SMYD3: variants seen among roughly 807,000 people sequenced by gnomAD.
SMYD3 encodes SET and MYND domain containing 3.
A neutral mutation model predicts 57.7 loss-of-function variants in SMYD3; 36 were observed. The ratio of observed to expected loss-of-function variants is 0.62; its 90% confidence interval spans 0.48 to 0.82. SMYD3 has a LOEUF of 0.82. Among genes scored for constraint, SMYD3 ranks in the 40% least tolerant of loss-of-function variants. The pLI, the probability that SMYD3 is intolerant of heterozygous loss-of-function variation, is 0.00. For synonymous variants in SMYD3, 211 were observed against 195.0 expected (o/e 1.08, Z -0.68); for missense variants, 515 against 538.8 (o/e 0.96, Z 0.44).
At chr1:246,023,308 G>A (rs1183096983) in intron 5 of SMYD3, among the ~76,000 whole-genome samples, 1 of 152,152 alleles carries the variant, frequency 6.6e-6, no homozygotes, top group Non-Finnish European at 1.5e-5. Context: ...GCATAACTGT[G>A]GTCCTTCAAA....
intron 10 of SMYD3, among the ~76,000 whole-genome samples, chr1:245,783,607 C>G (rs575748504): frequency 6.6e-6 from 1 of 152,204 alleles, no homozygotes; most frequent in Non-Finnish European, 1.5e-5. Flanking sequence ...TAAGCTGCCC[C>G]TATTTACAGG....
intron 5 of SMYD3, among the ~76,000 whole-genome samples, chr1:246,111,702 TC>T (rs1478563510): frequency 1.3e-5 from 2 of 152,154 alleles, no homozygotes; most frequent in African/African-American, 2.4e-5. Flanking sequence ...CCCCTTTGCG[TC>T]CCACAGCAGT....
intron 5 of SMYD3, among the ~76,000 whole-genome samples, chr1:246,319,109 C>T (rs1428111334): frequency 3.3e-5 from 5 of 152,190 alleles, no homozygotes; most frequent in African/African-American, 4.8e-5. Flanking sequence ...GAATCAACTT[C>T]GAGATTCAAT....
At chr1:246,364,301 C>T (rs6658407) in intron 1 of SMYD3, among the ~76,000 whole-genome samples, 80,895 of 150,998 alleles carry the variant, frequency 0.54, 22,366 homozygotes, top group Middle Eastern at 0.71. Context: ...AAGGATCAGA[C>T]GGGACTGTGT....
chr1:245,928,464 C>A (rs1203043278), intron 6 of SMYD3, among the ~76,000 whole-genome samples: 1 of 151,754 alleles, frequency 6.6e-6, no homozygotes. Context: ...TTGAGGCCAG[C>A]AGTTTGAGAC....
At chr1:246,491,085 T>C (rs1272419286) in intron 1 of SMYD3, among the ~76,000 whole-genome samples, 1 of 152,048 alleles carries the variant, frequency 6.6e-6, no homozygotes, top group Non-Finnish European at 1.5e-5. Flanking sequence ...ACATAACTCA[T>C]AAAGAGGATA....
intron 5 of SMYD3, among the ~76,000 whole-genome samples, chr1:246,234,476 G>A (rs921169876): frequency 4.1e-4 from 56 of 136,750 alleles, no homozygotes; most frequent in African/African-American, 1.5e-3. Context: ...ACACCATGAT[G>A]ACTATATACT....
intron 7 of SMYD3, among the ~76,000 whole-genome samples, chr1:245,921,572 C>T (rs10802298): frequency 0.092 from 12,448 of 134,678 alleles, 1,045 homozygotes; most frequent in East Asian, 0.35. Flanking sequence ...TATATATATA[C>T]ACATACCATG....
At chr1:246,185,898 C>T (rs1019028797) in intron 5 of SMYD3, among the ~76,000 whole-genome samples, 1 of 152,140 alleles carries the variant, frequency 6.6e-6, no homozygotes, top group Non-Finnish European at 1.5e-5. Flanking sequence ...TGATTCTATG[C>T]CAATTCACCT....
At chr1:246,003,755 AAT>A (rs1314331025) in intron 5 of SMYD3, among the ~76,000 whole-genome samples, 1 of 152,240 alleles carries the variant, frequency 6.6e-6, no homozygotes, top group African/African-American at 2.4e-5. Context: ...ATGTAATATA[AAT>A]ATCTCACACA....
At chr1:245,908,219 C>T (rs989171566) in intron 8 of SMYD3, among the ~76,000 whole-genome samples, 3 of 150,792 alleles carry the variant, frequency 2.0e-5, no homozygotes, top group African/African-American at 7.3e-5. Context: ...GTGTATCACA[C>T]AAAATAGACA....
At chr1:245,870,789 G>C (rs1390660447) in intron 8 of SMYD3, among the ~76,000 whole-genome samples, 4 of 151,848 alleles carry the variant, frequency 2.6e-5, no homozygotes, top group African/African-American at 9.7e-5. Flanking sequence ...AGCCAGGCTA[G>C]CTGAGTATAA....
intron 5 of SMYD3, among the ~76,000 whole-genome samples, chr1:246,225,124 T>C (rs1270156666): frequency 6.6e-6 from 1 of 150,436 alleles, no homozygotes; most frequent in Non-Finnish European, 1.5e-5. Context: ...AAGGAGAGGG[T>C]TTATTTAACG....
chr1:246,220,563 G>A (rs1361529988), intron 5 of SMYD3, among the ~76,000 whole-genome samples: 3 of 152,148 alleles, frequency 2.0e-5, no homozygotes, highest in Non-Finnish European at 1.5e-5. Context: ...GCTTCTCTCT[G>A]CTATCGATGC....
At chr1:246,135,964 G>A (rs1425846385) in intron 5 of SMYD3, among the ~76,000 whole-genome samples, 2 of 152,094 alleles carry the variant, frequency 1.3e-5, no homozygotes, top group African/African-American at 4.8e-5. Flanking sequence ...ATTCACTTAT[G>A]CAAAATAAGA....
At chr1:246,024,694 G>A (rs12734300) in intron 5 of SMYD3, among the ~76,000 whole-genome samples, 16 of 17,744 alleles carry the variant, frequency 9.0e-4, no homozygotes, top group Admixed American at 1.2e-3. Flanking sequence ...ATCTAGGAAG[G>A]GAGATACAGC....
chr1:246,238,910 T>TTG (rs2063555632), intron 5 of SMYD3, among the ~76,000 whole-genome samples: 1 of 148,776 alleles, frequency 6.7e-6, no homozygotes, highest in East Asian at 2.0e-4. Context: ...TTTTTTTTTT[T>TTG]GAGGGAAATT....
intron 8 of SMYD3, among the ~76,000 whole-genome samples, chr1:245,870,102 G>C (rs2052098501): frequency 6.6e-6 from 1 of 152,194 alleles, no homozygotes; most frequent in African/African-American, 2.4e-5. Context: ...TTTGGTGATA[G>C]AGTGAATGAG....
At chr1:246,039,146 T>C (rs1032066225) in intron 5 of SMYD3, among the ~76,000 whole-genome samples, 1 of 152,162 alleles carries the variant, frequency 6.6e-6, no homozygotes, top group Non-Finnish European at 1.5e-5. Flanking sequence ...TCAGCATGGA[T>C]TTGCATCCTA....
Sources: gnomAD v4.1 joint callset for allele counts (sites outside exome capture counted in the v4.1 genomes callset) on GRCh38, gnomAD v4.1.1 for gene constraint, MANE v1.5 for transcripts, NCBI Gene and HGNC (gene_info 2026-07-23, HGNC 2026-07-21) for gene names.